Variants in PCED1B observed in about 807,000 individuals in gnomAD.
PCED1B encodes the protein PC-esterase domain-containing protein 1B.
For synonymous variants in PCED1B, 251 were observed against 246.1 expected, an observed-to-expected ratio of 1.02 and a Z score of -0.19; for missense variants, 573 against 573.9, an observed-to-expected ratio of 1.00 and a Z score of 0.02.
chr12:47,178,570 A>G (rs1299443395), intron 2 of PCED1B, among the ~76,000 whole-genome samples: 1 of 152,126 alleles, frequency 6.6e-6, no homozygotes, highest in Non-Finnish European at 1.5e-5. Flanking sequence ...GAAAAAAAGC[A>G]TAGAAAATTG....
intron 3 of PCED1B, among the ~76,000 whole-genome samples, chr12:47,217,448 G>GAAAGAA (rs1555154987): frequency 6.8e-4 from 32 of 47,362 alleles, no homozygotes; most frequent in Admixed American, 2.3e-3. Flanking sequence ...AAGAAAGAAA[G>GAAAGAA]AAAGAAAGAA....
At chr12:47,107,388 T>A (rs1592147556) in intron 2 of PCED1B, among the ~76,000 whole-genome samples, 1 of 152,234 alleles carries the variant, frequency 6.6e-6, no homozygotes, top group African/African-American at 2.4e-5. Flanking sequence ...GGAGGAAGGC[T>A]TCTCTCTTGT....
At chr12:47,222,137 C>T (rs214705) in intron 3 of PCED1B, among the ~76,000 whole-genome samples, 25,947 of 131,646 alleles carry the variant, frequency 0.2, 2,557 homozygotes, top group South Asian at 0.33. Context: ...AAAAAAAAAA[C>T]GCCCGGGCGT....
intron 2 of PCED1B, among the ~76,000 whole-genome samples, chr12:47,201,417 A>C (rs1592275552): frequency 6.6e-6 from 1 of 152,202 alleles, no homozygotes; most frequent in Non-Finnish European, 1.5e-5. Flanking sequence ...CTGCCAGTGA[A>C]AGAGCCAAGA....
chr12:47,112,486 G>A (rs985260672), intron 2 of PCED1B, among the ~76,000 whole-genome samples: 3 of 152,190 alleles, frequency 2.0e-5, no homozygotes, highest in African/African-American at 7.2e-5. Flanking sequence ...TGTTAGTGGA[G>A]GAAATGAAGC....
At chr12:47,199,196 A>G (rs923996893) in intron 2 of PCED1B, among the ~76,000 whole-genome samples, 8 of 152,166 alleles carry the variant, frequency 5.3e-5, no homozygotes, top group Non-Finnish European at 1.2e-4. Context: ...GTATAAATCT[A>G]AGGACCTATA....
intron 2 of PCED1B, among the ~76,000 whole-genome samples, chr12:47,161,872 A>C (rs1259906447): frequency 6.6e-6 from 1 of 152,238 alleles, no homozygotes; most frequent in Non-Finnish European, 1.5e-5. Flanking sequence ...CCATATGTCC[A>C]ACAATGATAG....
chr12:47,177,995 C>A (rs1446944994), intron 2 of PCED1B, among the ~76,000 whole-genome samples: 2 of 152,084 alleles, frequency 1.3e-5, no homozygotes, highest in Non-Finnish European at 2.9e-5. Flanking sequence ...CAGATGCTGA[C>A]AGATCTATTT....
intron 2 of PCED1B, among the ~76,000 whole-genome samples, chr12:47,184,665 TA>T (rs1191011925): frequency 0.063 from 8,305 of 131,386 alleles, 486 homozygotes; most frequent in African/African-American, 0.17. Context: ...CCAAAGACAC[TA>T]AAAAAAAAAA....
chr12:47,126,431 C>T (rs759620868), intron 2 of PCED1B, among the ~76,000 whole-genome samples: 1 of 152,062 alleles, frequency 6.6e-6, no homozygotes, highest in Non-Finnish European at 1.5e-5. Context: ...AGCACTTCTG[C>T]ATTAAGTTTC....
In PCED1B at chr12:47,119,738, G is replaced by A. The variant is rs11183745; in HGVS notation, c.-526+15543G>A. On this transcript the variant is annotated intron_variant, in intron 2 of 3. Transcript: ENST00000546455. Reference sequence around the variant, plus strand: ...TCACACCTATAATCCCAGCACTTTGGGAGGTTGAGGCGTGTGGATCATCTG... The same window carrying A: ...TCACACCTATAATCCCAGCACTTTGAGAGGTTGAGGCGTGTGGATCATCTG... Among the ~76,000 whole-genome samples, 163 of 152,102 alleles carry A rather than the reference G, an allele frequency of 1.1e-3. 1 individual carries two copies. Among genetic ancestry groups the A allele is most frequent in the East Asian group, 8.9e-3 (46 of 5,154 alleles).
At chr12:47,174,351 G>T (rs1249339553) in intron 2 of PCED1B, among the ~76,000 whole-genome samples, 1 of 151,500 alleles carries the variant, frequency 6.6e-6, no homozygotes, top group Non-Finnish European at 1.5e-5. Flanking sequence ...GGAGGTTGCA[G>T]TTAGCGGAGA....
At chr12:47,213,407 C>T (rs936821089) in intron 2 of PCED1B, among the ~76,000 whole-genome samples, 3 of 152,108 alleles carry the variant, frequency 2.0e-5, no homozygotes, top group East Asian at 1.9e-4. Flanking sequence ...TTGGCCCATT[C>T]GTTTAAGGCA....
Position 47,235,881 on chromosome 12 carries a change from C to T in PCED1B, c.818C>T (p.Pro273Leu), listed in dbSNP as rs1943965969. Residue 273 changes from proline (P) to leucine (L), a missense_variant, in exon 4 of 4, where the codon CCG becomes CTG. Transcript: ENST00000546455. ...GEWIKKKKPG[P>L]RVEGPPQANR... Reference sequence around the variant, plus strand: ...TGGATCAAGAAGAAAAAACCTGGCCCGAGAGTCGAAGGGCCGCCCCAGGCC... The same window carrying T: ...TGGATCAAGAAGAAAAAACCTGGCCTGAGAGTCGAAGGGCCGCCCCAGGCC... 1 of 1,588,122 alleles carries T rather than the reference C, an allele frequency of 6.3e-7. No homozygotes were observed.
At chr12:47,167,456 C>T (rs182999710) in intron 2 of PCED1B, among the ~76,000 whole-genome samples, 1 of 152,186 alleles carries the variant, frequency 6.6e-6, no homozygotes, top group African/African-American at 2.4e-5. Flanking sequence ...AACTGTGTCA[C>T]CTACCTGTGA....
intron 2 of PCED1B, among the ~76,000 whole-genome samples, chr12:47,191,743 G>A (rs949126448): frequency 2.0e-5 from 3 of 152,078 alleles, no homozygotes; most frequent in African/African-American, 7.2e-5. Context: ...AGGCAGAATC[G>A]CTGAGGGTGC....
At chr12:47,105,590 G>A (rs1168763832) in intron 2 of PCED1B, among the ~76,000 whole-genome samples, 1 of 152,158 alleles carries the variant, frequency 6.6e-6, no homozygotes, top group Non-Finnish European at 1.5e-5. Flanking sequence ...TAAAATGCAT[G>A]AGGGTGGCTA....
intron 2 of PCED1B, among the ~76,000 whole-genome samples, chr12:47,125,426 T>C (rs148324798): frequency 2.1e-3 from 326 of 152,190 alleles, no homozygotes; most frequent in African/African-American, 7.5e-3. Flanking sequence ...TGCTTTTTAA[T>C]ACGTCTTAAT....
In PCED1B at chr12:47,236,270, T is replaced by C. The variant is rs1324713874; in HGVS notation, c.1207T>C (p.Tyr403His). Reference protein sequence around the residue: ...APVVHRGFGRYRPRGPYTPWG... With the variant: ...APVVHRGFGRHRPRGPYTPWG... ...AGTGGTACATAGGGGTTTTGGCAGGTATCGTCCCCGTGGCCCCTATACGCC... is the reference window on the plus strand; with the variant it reads ...AGTGGTACATAGGGGTTTTGGCAGGCATCGTCCCCGTGGCCCCTATACGCC... The change falls in exon 4 of 4, where the codon TAT (tyrosine) becomes CAT (histidine). Residue 403 changes from tyrosine (Y) to histidine (H), a missense_variant. Coordinates refer to ENST00000546455, the MANE Select transcript of PCED1B (RefSeq NM_138371.3). 1.9e-6 allele frequency: 3 copies of C among 1,613,958 alleles called. No individual in the cohort carries two copies. The African/African-American group carries it at 4.0e-5, about 22-fold the overall frequency.
Sources: allele counts gnomAD v4.1 joint callset (sites outside exome capture counted in the v4.1 genomes callset), GRCh38; gene constraint gnomAD v4.1.1; transcripts MANE v1.5; gene names NCBI Gene and HGNC (gene_info 2026-07-23, HGNC 2026-07-21).